The following DHTKD1 variants were observed in gnomAD, a reference collection of about 807,000 sequenced individuals.
DHTKD1 encodes dehydrogenase E1 and transketolase domain containing 1.
DHTKD1 carries 78 observed loss-of-function variants against 101.8 expected under a neutral mutation model. The ratio of observed to expected loss-of-function variants is 0.77; its 90% confidence interval spans 0.64 to 0.93. The LOEUF is 0.93. Among genes scored for constraint, DHTKD1 ranks in the 40% least tolerant of loss-of-function variants. DHTKD1 has a pLI of 0.00. For missense variants in DHTKD1, 1,223 were observed against 1,161.7 expected (o/e 1.05, Z -0.77); for synonymous variants, 462 against 450.3 (o/e 1.03, Z -0.33).
chr10:12,120,222 G>A lies in DHTKD1; in HGVS notation c.2613G>A (p.Pro871=), dbSNP rs139445220. ...WSQEEPQNMG[P]WSFVSPRFEK... Reference sequence around the variant, plus strand: ...AGGAGGAACCTCAGAACATGGGTCCGTGGTCGTTTGTTTCTCCAAGGTTTG... The same window carrying A: ...AGGAGGAACCTCAGAACATGGGTCCATGGTCGTTTGTTTCTCCAAGGTTTG... The change falls in exon 16 of 17, where the codon CCG becomes CCA. Residue 871 remains proline (P), a synonymous_variant. Transcript: ENST00000263035. The A allele has an allele frequency of 2.7e-5, 44 of 1,613,868 alleles. No individual in the cohort carries two copies. Among genetic ancestry groups the A allele is most frequent in the African/African-American group, 1.9e-4 (14 of 74,918 alleles).
At chr10:12,114,859 G>A (rs1479264111) in intron 13 of DHTKD1, among the ~76,000 whole-genome samples, 7 of 150,840 alleles carry the variant, frequency 4.6e-5, no homozygotes, top group Non-Finnish European at 8.9e-5. Context: ...GCAGTGCTGC[G>A]ATCTCGGCTC....
intron 1 of DHTKD1, among the ~76,000 whole-genome samples, chr10:12,072,443 T>C (rs1832664095): frequency 6.6e-6 from 1 of 151,766 alleles, no homozygotes; most frequent in East Asian, 1.9e-4. Flanking sequence ...GCCTGGGTGA[T>C]AGAGCAAGAC....
At chr10:12,095,606 G>A (rs1044461807) in intron 7 of DHTKD1, among the ~76,000 whole-genome samples, 7 of 151,982 alleles carry the variant, frequency 4.6e-5, no homozygotes, top group Non-Finnish European at 1.0e-4. Flanking sequence ...GAGGTCAGGA[G>A]ATCGAGACCA....
intron 5 of DHTKD1, among the ~76,000 whole-genome samples, chr10:12,089,972 A>AT (rs11311430): frequency 0.019 from 2,888 of 149,088 alleles, 93 homozygotes; most frequent in African/African-American, 0.066. Flanking sequence ...TACCTAGCCT[A>AT]TTTTTTTTTT....
At position 12,113,024 on chromosome 10, in the gene DHTKD1, C is replaced by T; in HGVS notation, c.2279C>T (p.Pro760Leu). The T allele has an allele frequency of 6.2e-7, 1 of 1,613,314 alleles. No homozygotes were observed. Among genetic ancestry groups the T allele is most frequent in the Non-Finnish European group, 8.5e-7 (1 of 1,179,712 alleles). The part of the protein sequence containing the change: ...RRQMVRNFRK[P>L]LIVASPKMLL... ...CAGATGGTCCGGAACTTCAGAAAAC[C>T]ACTCATTGTTGCTTCCCCTAAGATG... The change falls in exon 13 of 17, where the codon CCA becomes CTA. Residue 760 changes from proline (P) to leucine (L), a missense_variant. Physicochemically the swap from Pro to Leu is moderately conservative, Grantham distance 98. Transcript: ENST00000263035.
chr10:12,079,923 A>C (rs369983393), intron 1 of DHTKD1, among the ~76,000 whole-genome samples: 1 of 152,300 alleles, frequency 6.6e-6, no homozygotes, highest in East Asian at 1.9e-4. Context: ...GTATGAGTGC[A>C]AACACATCCT....
chr10:12,105,828 G>A (rs1199576179), intron 10 of DHTKD1, among the ~76,000 whole-genome samples: 3 of 152,070 alleles, frequency 2.0e-5, no homozygotes, highest in African/African-American at 7.2e-5. Context: ...GGGCGTGGTG[G>A]CTCATGCTGT....
intron 12 of DHTKD1, 104 bp from the exon 13 acceptor site, chr10:12,112,796 C>A: frequency 8.7e-7 from 1 of 1,152,238 alleles, no homozygotes; most frequent in Non-Finnish European, 1.2e-6. Context: ...AGCTTTTCTG[C>A]TATAATCAAG....
intron 2 of DHTKD1, among the ~76,000 whole-genome samples, chr10:12,082,873 A>ACACC (rs1832842961): frequency 6.6e-6 from 1 of 152,176 alleles, no homozygotes; most frequent in Admixed American, 6.6e-5. Flanking sequence ...GCGGTGGCTC[A>ACACC]TGCTGGTAAT....
intron 1 of DHTKD1, among the ~76,000 whole-genome samples, chr10:12,069,908 T>A (rs1037966512): frequency 6.6e-6 from 1 of 151,948 alleles, no homozygotes; most frequent in African/African-American, 2.4e-5. Flanking sequence ...AAGGATACAT[T>A]TCCAGGACCA....
chr10:12,100,285 C>CTGTTTTTTTTTTTTTTTTTTTTTTTT, intron 9 of DHTKD1, 23 bp downstream of exon 9: 1 of 228,240 alleles, frequency 4.4e-6, no homozygotes. Flanking sequence ...TTTTTTTTTT[C>CTGTTTTTTTTTTTTTTTTTTTTTTTT]TGTTTTTTTT....
At chr10:12,098,362 A>G (rs1588612544) in intron 8 of DHTKD1, among the ~76,000 whole-genome samples, 1 of 152,190 alleles carries the variant, frequency 6.6e-6, no homozygotes, top group Non-Finnish European at 1.5e-5. Flanking sequence ...GTCAACACAC[A>G]TACCCCAAGG....
rs977392467 is a variant in DHTKD1 at position 12,122,155 on chromosome 10, G to C, written c.*1267G>C. 6.6e-6 allele frequency: 1 copy of C among 152,150 alleles called. No homozygotes were observed. The highest frequency in any genetic ancestry group is 1.5e-5 in the Non-Finnish European group (1 of 68,034). The allele number at this position is 152,150 out of a possible 1,614,324, so 9.4% of individuals were successfully genotyped here. A position where few individuals can be genotyped will look rare whatever the true frequency, so the allele number is the denominator to read the frequency against. Reference sequence around the variant, plus strand: ...AAGGAGTTTTAGTTATAATGAAATTGATTTGTAGTCTGTTTTGCCGTAAAC... The same window carrying C: ...AAGGAGTTTTAGTTATAATGAAATTCATTTGTAGTCTGTTTTGCCGTAAAC... On this transcript the variant is annotated 3_prime_UTR_variant, in exon 17 of 17. Coordinates refer to ENST00000263035, the MANE Select transcript of DHTKD1 (RefSeq NM_018706.7).
At chr10:12,076,205 C>T (rs766765762) in intron 1 of DHTKD1, among the ~76,000 whole-genome samples, 39 of 152,314 alleles carry the variant, frequency 2.6e-4, no homozygotes, top group Non-Finnish European at 4.3e-4. Flanking sequence ...TTGCCGAGTG[C>T]GGTGGCTCAC....
chr10:12,094,406 C>G, intron 7 of DHTKD1, 135 bp downstream of exon 7: 1 of 755,744 alleles, frequency 1.3e-6, no homozygotes. Context: ...CCATCTCCAC[C>G]TCCCGGGTTC....
At chr10:12,112,592 T>C (rs1330314433) in intron 12 of DHTKD1, among the ~76,000 whole-genome samples, 1 of 152,144 alleles carries the variant, frequency 6.6e-6, no homozygotes, top group African/African-American at 2.4e-5. Context: ...GTCTTAACCC[T>C]GTAGTAATCA....
intron 1 of DHTKD1, among the ~76,000 whole-genome samples, chr10:12,075,075 T>C (rs965293002): frequency 5.3e-5 from 8 of 152,214 alleles, no homozygotes; most frequent in South Asian, 2.1e-4. Context: ...GGTGCCACTG[T>C]ACTCCGGCCT....
rs1833539067 is a variant in DHTKD1, at chr10:12,122,241, C to T, written c.*1353C>T. 1 of 152,166 alleles carries T rather than the reference C, an allele frequency of 6.6e-6. No homozygotes were observed. The highest frequency in any genetic ancestry group is 6.6e-5 in the Admixed American group (1 of 15,264). 9.4% of individuals were successfully genotyped at this position (152,166 alleles called of 1,614,324 possible). On this transcript the variant is annotated 3_prime_UTR_variant, in exon 17 of 17. Transcript: ENST00000263035. ...TACTATTTTTAACTGTCTGGGGTTTCTGATATGGGGATTTCAGCCCCTGGT... is the reference window on the plus strand; with the variant it reads ...TACTATTTTTAACTGTCTGGGGTTTTTGATATGGGGATTTCAGCCCCTGGT...
At position 12,106,409 on chromosome 10, in the gene DHTKD1, G is replaced by A. The variant is rs529901248; in HGVS notation, c.2047+13G>A. The stretch of plus-strand genomic sequence containing the variant: ...TTCATCTCTGGAGGTTGGTGTCAGC[G>A]TATAGGGTGGGTACAGGTGGGGGTC... On this transcript the variant is annotated intron_variant, in intron 11 of 16. Transcript: ENST00000263035. 1.1e-5 allele frequency: 18 copies of A among 1,614,130 alleles called. No homozygotes were observed. Among genetic ancestry groups the A allele is most frequent in the Admixed American group, 3.3e-5 (2 of 60,016 alleles).
Sources: allele counts gnomAD v4.1 joint callset (sites outside exome capture counted in the v4.1 genomes callset), GRCh38; gene constraint gnomAD v4.1.1; transcripts MANE v1.5; gene names NCBI Gene and HGNC (gene_info 2026-07-23, HGNC 2026-07-21).